Variants in IQSEC2 observed in about 807,000 individuals in gnomAD.
IQSEC2 encodes the protein IQ motif and SEC7 domain-containing protein 2.
IQSEC2 carries 6 observed loss-of-function variants against 74.6 expected under a neutral mutation model. The observed-to-expected ratio is 0.08, with a 90% CI of 0.04 to 0.16. The LOEUF is 0.16. IQSEC2 is among the 10% of genes least tolerant of loss of function. The probability of loss-of-function intolerance (pLI) is 1.00; values close to 1 mark genes in which losing one functional copy is unlikely to be tolerated. For synonymous variants in IQSEC2, 494 were observed against 544.5 expected, an observed-to-expected ratio of 0.91 and a Z score of 1.29; for missense variants, 734 against 1,306.2, an observed-to-expected ratio of 0.56 and a Z score of 6.75.
intron 2 of IQSEC2, among the ~76,000 whole-genome samples, chrX:53,257,426 TC>T (rs2074492234): frequency 8.9e-6 from 1 of 112,129 alleles, no homozygotes; most frequent in Non-Finnish European, 1.9e-5. Context: ...CACCCATCGC[TC>T]GCTCTCCACC....
intron 2 of IQSEC2, chrX:53,266,986 G>A (rs1286353597): frequency 8.7e-7 from 1 of 1,152,422 alleles, no homozygotes; most frequent in East Asian, 3.3e-5. Flanking sequence ...AGGGACTACT[G>A]CACTCGGAGG....
intron 1 of IQSEC2, among the ~76,000 whole-genome samples, chrX:53,304,060 G>A (rs950447345): frequency 1.8e-5 from 2 of 109,301 alleles, no homozygotes; most frequent in Non-Finnish European, 1.9e-5. Flanking sequence ...GTTTGAATCC[G>A]GGAGGTGGAG....
At chrX:53,242,863 G>A (rs191354397) in intron 9 of IQSEC2, among the ~76,000 whole-genome samples, 2 of 111,866 alleles carry the variant, frequency 1.8e-5, no homozygotes, top group East Asian at 5.6e-4. Flanking sequence ...AGCCTCCTGA[G>A]TAGCTGGAAC....
At chrX:53,249,212 G>A (rs1556862719) in intron 5 of IQSEC2, among the ~76,000 whole-genome samples, 1 of 111,644 alleles carries the variant, frequency 9.0e-6, no homozygotes, top group Non-Finnish European at 1.9e-5. Context: ...AGCAAGAACC[G>A]AGGAGAGGGC....
chrX:53,289,684 C>T (rs2075075233), intron 2 of IQSEC2, among the ~76,000 whole-genome samples: 1 of 111,313 alleles, frequency 9.0e-6, no homozygotes, highest in South Asian at 3.8e-4. Context: ...AAGATATTGC[C>T]CCATACACGC....
chrX:53,228,980 T>C (rs986764742), downstream of IQSEC2: 1 of 112,583 alleles, frequency 8.9e-6, no homozygotes, highest in African/African-American at 3.2e-5. Context: ...TAAAAATCCA[T>C]GACTCCACAT....
intron 2 of IQSEC2, chrX:53,267,168 G>A (rs947356065): frequency 2.4e-5 from 25 of 1,055,210 alleles, no homozygotes; most frequent in African/African-American, 3.8e-5. Flanking sequence ...GGCCAGGACC[G>A]GAACCAGAAG....
At chrX:53,317,309 C>T (rs2075387286) in intron 1 of IQSEC2, among the ~76,000 whole-genome samples, 1 of 111,607 alleles carries the variant, frequency 9.0e-6, no homozygotes, top group Admixed American at 9.5e-5. Context: ...CTAGAAAGGC[C>T]ACACCCTGAG....
chrX:53,297,247 C>G (rs1172053927), intron 1 of IQSEC2, among the ~76,000 whole-genome samples: 1 of 111,415 alleles, frequency 9.0e-6, no homozygotes, highest in Non-Finnish European at 1.9e-5. Flanking sequence ...TGCATGGATA[C>G]TAATAATGGA....
rs1556859121 is a variant in IQSEC2, at chrX:53,234,750, T to C, written c.3936A>G (p.Ser1312=). Residue 1312 remains serine, a synonymous_variant, in exon 15 of 15, where the codon TCA becomes TCG. Coordinates refer to ENST00000642864, the MANE Select transcript of IQSEC2 (RefSeq NM_001111125.3). ...QLGSIPPPPA[S]APPVGPHRHF... is the part of the protein sequence containing the mutation. The stretch of plus-strand genomic sequence containing the variant: ...GGCGATGTGGCCCCACAGGTGGGGC[T>C]GAGGCGGGAGGCGGTGGAATGGAGC... 2.8e-6 allele frequency: 3 copies of C among 1,075,352 alleles called. No individual in the cohort carries two copies. In the South Asian group the frequency reaches 6.8e-5, roughly 24 times the overall value. The allele number at this position is 1,075,352 out of a possible 1,213,427, so 88.6% of individuals were successfully genotyped here.
At chrX:53,251,793 C>T (rs1448622657) in intron 4 of IQSEC2, among the ~76,000 whole-genome samples, 1 of 112,572 alleles carries the variant, frequency 8.9e-6, no homozygotes. Flanking sequence ...GGCATGGTGG[C>T]TCATGCCTGT....
chrX:53,300,892 T>G (rs1488229524), intron 1 of IQSEC2, among the ~76,000 whole-genome samples: 5 of 111,288 alleles, frequency 4.5e-5, no homozygotes, highest in African/African-American at 1.6e-4. Context: ...GAATATGCAA[T>G]GACATGGGAA....
At chrX:53,277,030 G>A (rs1474426447) in intron 2 of IQSEC2, among the ~76,000 whole-genome samples, 1 of 110,076 alleles carries the variant, frequency 9.1e-6, no homozygotes, top group African/African-American at 3.3e-5. Flanking sequence ...GGCTATAGTT[G>A]TTGTTTTTTT....
intron 8 of IQSEC2, among the ~76,000 whole-genome samples, chrX:53,244,309 G>A (rs1442774767): frequency 9.1e-6 from 1 of 110,437 alleles, no homozygotes; most frequent in Non-Finnish European, 1.9e-5. Context: ...TGGATCGCTC[G>A]AGCCCAGGAA....
intron 2 of IQSEC2, among the ~76,000 whole-genome samples, chrX:53,287,811 G>A (rs2075048124): frequency 8.9e-6 from 1 of 112,439 alleles, no homozygotes; most frequent in African/African-American, 3.2e-5. Flanking sequence ...GGGCCAGGCG[G>A]CGGCAGAACA....
intron 1 of IQSEC2, among the ~76,000 whole-genome samples, chrX:53,310,408 C>A (rs1282493150): frequency 1.9e-5 from 2 of 107,748 alleles, no homozygotes; most frequent in Non-Finnish European, 1.9e-5. Flanking sequence ...AGCAAACAAA[C>A]AAACAAAAAA....
chrX:53,227,722 G>A (rs782699863), downstream of IQSEC2: 50 of 242,781 alleles, frequency 2.1e-4, no homozygotes, highest in Non-Finnish European at 2.7e-4. Context: ...ATCTTAGGCC[G>A]AAGGAAGTTC....
At chrX:53,248,977 G>A (rs1044010540) in intron 5 of IQSEC2, 95 bp from the exon 6 acceptor site, 28 of 864,509 alleles carry the variant, frequency 3.2e-5, no homozygotes, top group African/African-American at 1.8e-4. Flanking sequence ...AACTAAGTCC[G>A]GCCTCAGAGG....
At chrX:53,306,735 G>C (rs1315462444) in intron 1 of IQSEC2, among the ~76,000 whole-genome samples, 1 of 111,737 alleles carries the variant, frequency 8.9e-6, no homozygotes, top group African/African-American at 3.3e-5. Context: ...CAGGGAGGAG[G>C]ATGGGAGAGG....
Sources: gnomAD v4.1 joint callset for allele counts (sites outside exome capture counted in the v4.1 genomes callset) on GRCh38, gnomAD v4.1.1 for gene constraint, MANE v1.5 for transcripts, NCBI Gene and HGNC (gene_info 2026-07-23, HGNC 2026-07-21) for gene names.